TMEFF1: variants seen among roughly 807,000 people sequenced by gnomAD.
TMEFF1 encodes tomoregulin-1.
In TMEFF1, 20 loss-of-function variants were observed where a neutral mutation model predicts 47.5. That is an observed-to-expected ratio of 0.42 (90% CI 0.30 to 0.61). TMEFF1 has a LOEUF of 0.61. Among genes scored for constraint, TMEFF1 ranks in the 20% least tolerant of loss-of-function variants. TMEFF1 has a pLI of 0.19. For missense variants in TMEFF1, 411 were observed against 471.1 expected, an observed-to-expected ratio of 0.87 and a Z score of 1.18; for synonymous variants, 162 against 166.3, an observed-to-expected ratio of 0.97 and a Z score of 0.20.
intron 1 of TMEFF1, among the ~76,000 whole-genome samples, chr9:100,489,546 T>C (rs77357424): frequency 0.12 from 17,950 of 152,286 alleles, 1,192 homozygotes; most frequent in Middle Eastern, 0.18. Flanking sequence ...TATTTGATTT[T>C]AAAAGTAATA....
intron 8 of TMEFF1, among the ~76,000 whole-genome samples, chr9:100,566,587 G>A (rs577593270): frequency 2.2e-4 from 33 of 152,194 alleles, no homozygotes; most frequent in Non-Finnish European, 3.5e-4. Flanking sequence ...ACCATTGCCA[G>A]TGCTGTTCCT....
chr9:100,514,184 G>T (rs1463670824), intron 4 of TMEFF1, among the ~76,000 whole-genome samples: 11 of 151,894 alleles, frequency 7.2e-5, no homozygotes, highest in Non-Finnish European at 1.5e-5. Context: ...TTTCAAAACT[G>T]CCTGAAACCT....
intron 6 of TMEFF1, 22 bp downstream of exon 6, chr9:100,547,914 C>G (rs760327498): frequency 6.5e-7 from 1 of 1,542,942 alleles, no homozygotes; most frequent in Non-Finnish European, 8.7e-7. Flanking sequence ...TTTATTTATT[C>G]AGAGACCCAT....
At chr9:100,546,178 A>G (rs1051146584) in intron 5 of TMEFF1, among the ~76,000 whole-genome samples, 1 of 152,154 alleles carries the variant, frequency 6.6e-6, no homozygotes, top group Non-Finnish European at 1.5e-5. Context: ...CACACTGCTG[A>G]TAAAGATATA....
intron 2 of TMEFF1, among the ~76,000 whole-genome samples, chr9:100,505,825 A>T (rs532364348): frequency 6.6e-6 from 1 of 152,228 alleles, no homozygotes; most frequent in Non-Finnish European, 1.5e-5. Flanking sequence ...TTGAGGAATG[A>T]AGTGGGATTG....
At chr9:100,496,775 CAAAAT>C (rs1211130822) in intron 1 of TMEFF1, among the ~76,000 whole-genome samples, 1 of 152,110 alleles carries the variant, frequency 6.6e-6, no homozygotes, top group Non-Finnish European at 1.5e-5. Flanking sequence ...GCCTCGCAGA[CAAAAT>C]AAAAACTTTA....
chr9:100,554,043 A>G (rs113027440), intron 7 of TMEFF1, among the ~76,000 whole-genome samples: 333 of 152,204 alleles, frequency 2.2e-3, no homozygotes, highest in African/African-American at 7.6e-3. Context: ...CACCCTTTTT[A>G]TTATTATGAA....
At chr9:100,558,070 G>C (rs1166415761) in intron 7 of TMEFF1, among the ~76,000 whole-genome samples, 1 of 151,970 alleles carries the variant, frequency 6.6e-6, no homozygotes, top group African/African-American at 2.4e-5. Context: ...TATGTTTATT[G>C]GTGCCATACT....
At chr9:100,554,366 G>A (rs1838878644) in intron 7 of TMEFF1, among the ~76,000 whole-genome samples, 1 of 152,142 alleles carries the variant, frequency 6.6e-6, no homozygotes, top group African/African-American at 2.4e-5. Flanking sequence ...AGGATGATTA[G>A]CAGGCTCCTA....
chr9:100,511,953 G>A (rs1473924701), intron 3 of TMEFF1, among the ~76,000 whole-genome samples: 2 of 152,080 alleles, frequency 1.3e-5, no homozygotes. Flanking sequence ...AATGACGAAG[G>A]TATGAGATTT....
intron 5 of TMEFF1, among the ~76,000 whole-genome samples, chr9:100,524,261 A>C (rs535548384): frequency 3.0e-4 from 45 of 152,344 alleles, no homozygotes; most frequent in African/African-American, 1.0e-3. Context: ...TACATGTGCA[A>C]TTTAAGGAAT....
chr9:100,543,782 G>T (rs1282771974), intron 5 of TMEFF1, among the ~76,000 whole-genome samples: 2 of 151,646 alleles, frequency 1.3e-5, no homozygotes, highest in African/African-American at 2.4e-5. Context: ...TTATTAATTT[G>T]TGTTGGGCTG....
intron 9 of TMEFF1, among the ~76,000 whole-genome samples, chr9:100,575,451 A>G (rs923939420): frequency 8.5e-5 from 13 of 152,164 alleles, no homozygotes; most frequent in Admixed American, 3.3e-4. Flanking sequence ...TGACAGTACA[A>G]GAGGGTTGCT....
chr9:100,544,200 T>C (rs964486563), intron 5 of TMEFF1, among the ~76,000 whole-genome samples: 3 of 152,052 alleles, frequency 2.0e-5, no homozygotes, highest in African/African-American at 7.3e-5. Context: ...CAGTGTTATT[T>C]GTCTCCTGTT....
chr9:100,576,687 C>T lies in TMEFF1; in HGVS notation c.*87C>T. 2 of 1,492,364 alleles carry T rather than the reference C, an allele frequency of 1.3e-6. No homozygotes were observed. Among genetic ancestry groups the T allele is most frequent in the South Asian group, 1.3e-5 (1 of 74,858 alleles). 92.4% of individuals were successfully genotyped at this position (1,492,364 alleles called of 1,614,324 possible). On this transcript the variant is annotated 3_prime_UTR_variant, in exon 10 of 10. Transcript: ENST00000374879. ...GAATGGAAATATTTATTTCAGAGGC[C>T]TTATTTTTGGACATTTTTAGTGTAG...
rs369160454 is a variant in TMEFF1, at chr9:100,495,487, C to A, written c.197-3278C>A. On this transcript the variant is annotated intron_variant, in intron 1 of 9. Coordinates refer to ENST00000374879, the MANE Select transcript of TMEFF1 (RefSeq NM_003692.5). ...GTCATAGACTGTATGACGCATTTAG[C>A]CCCTTAATTATAGACTGTATTGAAT... Among the ~76,000 whole-genome samples the A allele has an allele frequency of 1.1e-4, 16 of 152,226 alleles. No homozygotes were observed. The East Asian group carries it at 1.5e-3, about 15-fold the overall frequency.
At chr9:100,494,351 A>G (rs1837613798) in intron 1 of TMEFF1, among the ~76,000 whole-genome samples, 1 of 152,212 alleles carries the variant, frequency 6.6e-6, no homozygotes, top group Non-Finnish European at 1.5e-5. Context: ...TTAAATTTAC[A>G]CACAATCATT....
At chr9:100,520,699 C>T (rs1223422168) in intron 5 of TMEFF1, among the ~76,000 whole-genome samples, 1 of 152,168 alleles carries the variant, frequency 6.6e-6, no homozygotes, top group Non-Finnish European at 1.5e-5. Context: ...ATTTTTTACA[C>T]ATAATATATT....
chr9:100,539,652 C>T (rs1221818844), intron 5 of TMEFF1, among the ~76,000 whole-genome samples: 2 of 152,058 alleles, frequency 1.3e-5, no homozygotes, highest in Admixed American at 6.6e-5. Flanking sequence ...AAAGGTGGCG[C>T]GGACCCAAAG....
Sources: allele counts gnomAD v4.1 joint callset (sites outside exome capture counted in the v4.1 genomes callset), GRCh38; gene constraint gnomAD v4.1.1; transcripts MANE v1.5; gene names NCBI Gene and HGNC (gene_info 2026-07-23, HGNC 2026-07-21).